The following FRMPD1 variants were observed in gnomAD, a reference collection of about 807,000 sequenced individuals.
FRMPD1 encodes FERM and PDZ domain containing 1.
Under a neutral mutation model 117.8 loss-of-function variants are expected in FRMPD1, and 76 were observed. That is an observed-to-expected ratio of 0.65 (90% CI 0.54 to 0.78). The LOEUF (loss-of-function observed/expected upper bound fraction) is 0.78, where lower values mean the gene tolerates loss of function less well. FRMPD1 is among the 30% of genes least tolerant of loss of function. The pLI is 0.00. For missense variants in FRMPD1, 1,786 were observed against 1,964.5 expected (o/e 0.91, Z 1.72); for synonymous variants, 783 against 770.4 (o/e 1.02, Z -0.27).
intron 7 of FRMPD1, among the ~76,000 whole-genome samples, chr9:37,728,469 G>A (rs1249274385): frequency 6.6e-6 from 1 of 152,176 alleles, no homozygotes; most frequent in Non-Finnish European, 1.5e-5. Context: ...AAAGTATACT[G>A]GGCAGAGGGA....
chr9:37,739,472 C>T (rs1300961495), intron 14 of FRMPD1, among the ~76,000 whole-genome samples: 1 of 152,152 alleles, frequency 6.6e-6, no homozygotes, highest in African/African-American at 2.4e-5. Flanking sequence ...TACCATTAAT[C>T]CTTCCTGAGA....
At chr9:37,725,475 A>G (rs1444769132) in intron 7 of FRMPD1, among the ~76,000 whole-genome samples, 1 of 152,240 alleles carries the variant, frequency 6.6e-6, no homozygotes, top group African/African-American at 2.4e-5. Context: ...CATATGTACA[A>G]TGTACATACA....
chr9:37,701,160 C>T (rs1822515024), intron 2 of FRMPD1, among the ~76,000 whole-genome samples: 1 of 152,192 alleles, frequency 6.6e-6, no homozygotes, highest in African/African-American at 2.4e-5. Context: ...TGGAGGACCG[C>T]ACTCTGCCAA....
intron 10 of FRMPD1, among the ~76,000 whole-genome samples, chr9:37,733,204 C>T (rs1823968543): frequency 6.6e-6 from 1 of 152,100 alleles, no homozygotes; most frequent in South Asian, 2.1e-4. Context: ...AGATTCAGAA[C>T]TCCTGCTCTG....
Position 37,737,184 on chromosome 9 carries a change from C to T in FRMPD1, c.1490C>T (p.Thr497Ile), listed in dbSNP as rs748703037. The T allele has an allele frequency of 1.2e-6, 2 of 1,614,030 alleles. No individual in the cohort carries two copies. Among genetic ancestry groups the T allele is most frequent in the Admixed American group, 1.7e-5 (1 of 60,012 alleles). The change falls in exon 14 of 16, where the codon ACC (threonine) becomes ATC (isoleucine). Residue 497 changes from threonine to isoleucine, a missense_variant. By Grantham distance (89) the Thr-to-Ile change is moderately conservative. Transcript: ENST00000377765. ...GYYRLLVDPVTSIFLWPGNKQ... is the reference protein window; with the variant it reads ...GYYRLLVDPVISIFLWPGNKQ... ...TACAGGCTGTTGGTTGACCCAGTTA[C>T]CTCCATTTTCCTCTGGCCTGGAAAC... is the stretch of plus-strand genomic sequence containing the variant.
intron 1 of FRMPD1, among the ~76,000 whole-genome samples, chr9:37,688,856 T>C (rs1404428060): frequency 1.3e-5 from 2 of 151,970 alleles, no homozygotes; most frequent in African/African-American, 2.4e-5. Flanking sequence ...AATTGGGAGG[T>C]AGTGATTGTA....
intron 5 of FRMPD1, among the ~76,000 whole-genome samples, chr9:37,713,751 A>C (rs747424215): frequency 2.6e-5 from 4 of 152,204 alleles, no homozygotes; most frequent in Non-Finnish European, 5.9e-5. Flanking sequence ...GCAATTATTC[A>C]AGAAATCAAA....
Position 37,746,400 on chromosome 9 carries a change from C to G in FRMPD1, c.4368C>G (p.Thr1456=), listed in dbSNP as rs895661293. Residue 1456 remains threonine (T), a synonymous_variant, in exon 16 of 16, where the codon ACC becomes ACG. Coordinates refer to ENST00000377765, the MANE Select transcript of FRMPD1 (RefSeq NM_014907.3). ...HPPEKCTWHF[T]ESRSRLCMGS... ...CAGAGAAGTGCACCTGGCACTTTAC[C>G]GAAAGCCGGAGCCGCCTCTGCATGG... The G allele has an allele frequency of 2.5e-6, 4 of 1,612,834 alleles. No individual in the cohort carries two copies. Among genetic ancestry groups the G allele is most frequent in the Non-Finnish European group, 3.4e-6 (4 of 1,179,830 alleles).
the FRMPD1 span, among the ~76,000 whole-genome samples, chr9:37,613,587 G>A: frequency 1.3e-5 from 2 of 152,170 alleles, no homozygotes; most frequent in Non-Finnish European, 2.9e-5. Flanking sequence ...TTTAAAATTT[G>A]TTCCTAGCGT....
intron 2 of FRMPD1, among the ~76,000 whole-genome samples, chr9:37,700,922 A>G (rs1347497831): frequency 6.6e-6 from 1 of 152,226 alleles, no homozygotes; most frequent in East Asian, 1.9e-4. Flanking sequence ...AAGATGCTTC[A>G]GAGGAGGAAA....
chr9:37,701,643 A>T (rs1455107960), intron 2 of FRMPD1, among the ~76,000 whole-genome samples: 20 of 152,096 alleles, frequency 1.3e-4, no homozygotes. Context: ...GAACAAAAAT[A>T]TCAAAGAGAA....
intron 1 of FRMPD1, among the ~76,000 whole-genome samples, chr9:37,655,316 A>G (rs993963042): frequency 1.3e-5 from 2 of 152,090 alleles, no homozygotes; most frequent in East Asian, 3.9e-4. Flanking sequence ...CTCTCTGAGC[A>G]TCAGGCTTCA....
At chr9:37,707,327 C>A in intron 2 of FRMPD1, 89 bp from the exon 3 acceptor site, 1 of 1,072,910 alleles carries the variant, frequency 9.3e-7, no homozygotes, top group Non-Finnish European at 1.4e-6. Flanking sequence ...AGTTCTGCAT[C>A]TTTCTCCATG....
Position 37,731,023 on chromosome 9 carries a change from T to C in FRMPD1, c.778T>C (p.Phe260Leu). 1 of 1,613,858 alleles carries C rather than the reference T, an allele frequency of 6.2e-7. No individual in the cohort carries two copies. Among genetic ancestry groups the C allele is most frequent in the South Asian group, 1.1e-5 (1 of 91,070 alleles). The change falls in exon 9 of 16, where the codon TTC becomes CTC. Residue 260 changes from phenylalanine to leucine, a missense_variant. Transcript: ENST00000377765. The part of the protein sequence containing the change: ...REESHDYRCL[F>L]RVCFVPKDPL... ...GGAGTCACATGACTACCGCTGCCTCTTCAGGGTCTGTTTTGTTCCCAAGGA... is the reference window on the plus strand; with the variant it reads ...GGAGTCACATGACTACCGCTGCCTCCTCAGGGTCTGTTTTGTTCCCAAGGA...
intron 5 of FRMPD1, chr9:37,715,724 T>G (rs1233126890): frequency 2.2e-6 from 1 of 456,220 alleles, no homozygotes; most frequent in Non-Finnish European, 4.4e-6. Flanking sequence ...GCCAAGATAT[T>G]CATGGTAGCA....
At chr9:37,608,687 A>G in the FRMPD1 span, among the ~76,000 whole-genome samples, 2 of 152,176 alleles carry the variant, frequency 1.3e-5, no homozygotes, top group Non-Finnish European at 2.9e-5. Flanking sequence ...ATTGACACAG[A>G]AACAACTTAT....
In FRMPD1 at chr9:37,692,705, G is replaced by A. The variant is rs200161833; in HGVS notation, c.64G>A (p.Ala22Thr). ...RKAHRIEQMV[A>T]RWLRRSRDSS... Reference sequence around the variant, plus strand: ...AGCACATAGAATAGAACAAATGGTGGCAAGATGGCTTCGGCGCTCCCGGGA... The same window carrying A: ...AGCACATAGAATAGAACAAATGGTGACAAGATGGCTTCGGCGCTCCCGGGA... Residue 22 changes from alanine (A) to threonine (T), a missense_variant, in exon 2 of 16, where the codon GCA (alanine) becomes ACA (threonine). Transcript: ENST00000377765. 5.3e-5 allele frequency: 86 copies of A among 1,613,888 alleles called. No individual in the cohort carries two copies. Among genetic ancestry groups the A allele is most frequent in the Non-Finnish European group, 7.2e-5 (85 of 1,179,902 alleles).
At chr9:37,696,338 C>T (rs1211498619) in intron 2 of FRMPD1, among the ~76,000 whole-genome samples, 1 of 152,026 alleles carries the variant, frequency 6.6e-6, no homozygotes, top group Non-Finnish European at 1.5e-5. Flanking sequence ...TCATTATCAC[C>T]TCTGCCATCA....
Position 37,744,437 on chromosome 9 carries a change from A to G in FRMPD1, c.2405A>G (p.Asn802Ser). ...GAACCCAGTGCCACAAGCTTGCAGA[A>G]TAAGGCCAGCACTTCTAGCCCTGAG... is the stretch of plus-strand genomic sequence containing the variant. ...TAEPSATSLQNKASTSSPENS... is the reference protein window; with the variant it reads ...TAEPSATSLQSKASTSSPENS... Residue 802 changes from asparagine (N) to serine (S), a missense_variant, in exon 16 of 16, where the codon AAT becomes AGT. Physicochemically the swap from Asn to Ser is conservative, Grantham distance 46. Coordinates refer to ENST00000377765, the MANE Select transcript of FRMPD1 (RefSeq NM_014907.3). The G allele has an allele frequency of 6.2e-7, 1 of 1,613,616 alleles. No individual in the cohort carries two copies. Among genetic ancestry groups the G allele is most frequent in the African/African-American group, 1.3e-5 (1 of 75,028 alleles).
Sources: allele counts gnomAD v4.1 joint callset (sites outside exome capture counted in the v4.1 genomes callset), GRCh38; gene constraint gnomAD v4.1.1; transcripts MANE v1.5; gene names NCBI Gene and HGNC (gene_info 2026-07-23, HGNC 2026-07-21).